TRAPPC13: variants seen among roughly 807,000 people sequenced by gnomAD.
TRAPPC13 encodes trafficking protein particle complex subunit 13.
A neutral mutation model predicts 54.0 loss-of-function variants in TRAPPC13; 39 were observed. The ratio of observed to expected loss-of-function variants is 0.72; its 90% CI spans 0.56 to 0.94. The LOEUF (loss-of-function observed/expected upper bound fraction) is 0.94, where lower values mean the gene tolerates loss of function less well. Among genes scored for constraint, TRAPPC13 ranks in the 40% least tolerant of loss-of-function variants. TRAPPC13 has a pLI of 0.00. For synonymous variants in TRAPPC13, 148 were observed against 167.7 expected (o/e 0.88, Z 0.91); for missense variants, 386 against 488.1 (o/e 0.79, Z 1.97).
intron 1 of TRAPPC13, among the ~76,000 whole-genome samples, chr5:65,632,539 C>G (rs467573): frequency 0.6 from 90,526 of 151,902 alleles, 27,343 homozygotes; most frequent in South Asian, 0.64. Context: ...AATTATTTTT[C>G]AACAGAGTGA....
At chr5:65,637,354 G>A (rs1755785937) in intron 3 of TRAPPC13, among the ~76,000 whole-genome samples, 1 of 152,104 alleles carries the variant, frequency 6.6e-6, no homozygotes, top group South Asian at 2.1e-4. Context: ...AAAACCTGAT[G>A]GGCACAGTGG....
At chr5:65,645,532 C>T (rs940026562) in intron 4 of TRAPPC13, among the ~76,000 whole-genome samples, 2 of 152,196 alleles carry the variant, frequency 1.3e-5, no homozygotes, top group African/African-American at 2.4e-5. Flanking sequence ...TAGCAGGGCG[C>T]GGTGGCTAAC....
chr5:65,652,430 A>G, intron 6 of TRAPPC13, 71 bp from the exon 7 acceptor site: 1 of 1,124,422 alleles, frequency 8.9e-7, no homozygotes, highest in South Asian at 1.3e-5. Flanking sequence ...AACTTACACT[A>G]TTTGATTTAA....
intron 9 of TRAPPC13, among the ~76,000 whole-genome samples, chr5:65,660,332 C>A (rs1281291787): frequency 6.6e-6 from 1 of 151,364 alleles, no homozygotes; most frequent in Non-Finnish European, 1.5e-5. Flanking sequence ...TTATAAAGAA[C>A]CTCCTTGAAC....
intron 7 of TRAPPC13, 190 bp downstream of exon 7, chr5:65,652,735 G>T: frequency 1.6e-6 from 1 of 639,110 alleles, no homozygotes; most frequent in East Asian, 2.9e-5. Flanking sequence ...CAGCTTACAT[G>T]GAATCAATGT....
At chr5:65,627,757 T>G (rs1449596723) in intron 1 of TRAPPC13, among the ~76,000 whole-genome samples, 1 of 152,204 alleles carries the variant, frequency 6.6e-6, no homozygotes, top group Non-Finnish European at 1.5e-5. Context: ...GCATCATTAG[T>G]TCTTGAAAGT....
chr5:65,645,265 G>A (rs1246744616), intron 4 of TRAPPC13, among the ~76,000 whole-genome samples: 2 of 150,552 alleles, frequency 1.3e-5, no homozygotes, highest in Non-Finnish European at 3.0e-5. Context: ...CCTTGGGAAA[G>A]TTGTTACTTT....
At chr5:65,638,059 G>T (rs1755821990) in intron 4 of TRAPPC13, among the ~76,000 whole-genome samples, 1 of 146,834 alleles carries the variant, frequency 6.8e-6, no homozygotes, top group Non-Finnish European at 1.5e-5. Context: ...GGAGGTGAAG[G>T]TTGCAGTGAG....
At chr5:65,656,542 G>C (rs1427438612) in intron 8 of TRAPPC13, among the ~76,000 whole-genome samples, 2 of 151,898 alleles carry the variant, frequency 1.3e-5, no homozygotes, top group South Asian at 2.1e-4. Flanking sequence ...TTTTATTTTA[G>C]ATAATAGTAC....
At chr5:65,652,020 C>T (rs759805122) in intron 6 of TRAPPC13, among the ~76,000 whole-genome samples, 6 of 151,806 alleles carry the variant, frequency 4.0e-5, no homozygotes, top group South Asian at 2.1e-4. Flanking sequence ...CCCGCCACCA[C>T]GCCCAGTTAA....
chr5:65,654,337 GCTTC>G (rs1179519675), intron 7 of TRAPPC13, among the ~76,000 whole-genome samples: 1 of 151,916 alleles, frequency 6.6e-6, no homozygotes, highest in African/African-American at 2.4e-5. Flanking sequence ...AATTTTGTTT[GCTTC>G]CTTTGTCAGT....
At chr5:65,628,863 G>A (rs1363507630) in intron 1 of TRAPPC13, among the ~76,000 whole-genome samples, 6 of 149,158 alleles carry the variant, frequency 4.0e-5, no homozygotes, top group Non-Finnish European at 7.4e-5. Context: ...TTGCTCTATC[G>A]CCCAGGCTGA....
rs566639621 is a variant in TRAPPC13, at chr5:65,637,537, A to G, written c.216-159A>G. Among the ~76,000 whole-genome samples the G allele has an allele frequency of 4.9e-4, 74 of 151,742 alleles. No individual in the cohort carries two copies. In the South Asian group the frequency reaches 0.015, roughly 30 times the overall value. On this transcript the variant is annotated intron_variant, in intron 3 of 12. Coordinates refer to ENST00000399438, the MANE Select transcript of TRAPPC13 (RefSeq NM_024941.4). ...TCTCAGCTACTCGGGAGGCTGAGGC[A>G]GGAGAATGGGGTGAACATGGGAGGC...
At position 65,648,376 on chromosome 5, in the gene TRAPPC13, C is replaced by T. The variant is rs7718602; in HGVS notation, c.428+1194C>T. Among the ~76,000 whole-genome samples, 68 of 137,192 alleles carry T rather than the reference C, an allele frequency of 5.0e-4. 1 individual carries two copies. Among genetic ancestry groups the T allele is most frequent in the Admixed American group, 3.5e-3 (47 of 13,564 alleles). The allele number at this position is 137,192 out of a possible 152,430, so 90.0% of individuals were successfully genotyped here. On this transcript the variant is annotated intron_variant, in intron 5 of 12. Transcript: ENST00000399438. ...CCATTTATCATTTTAAAAAATGTTT[C>T]GTATTTACTTATTGAGTGCCTGTCC...
chr5:65,628,361 G>A (rs1237194253), intron 1 of TRAPPC13, among the ~76,000 whole-genome samples: 4 of 152,106 alleles, frequency 2.6e-5, no homozygotes, highest in Admixed American at 6.6e-5. Flanking sequence ...AACCATATTA[G>A]CAAAGTTAAA....
At position 65,652,557 on chromosome 5, in the gene TRAPPC13, G is replaced by A. The variant is rs1756505529; in HGVS notation, c.546+12G>A. The A allele has an allele frequency of 6.3e-7, 1 of 1,587,576 alleles. No homozygotes were observed. On this transcript the variant is annotated intron_variant, in intron 7 of 12. Coordinates refer to ENST00000399438, the MANE Select transcript of TRAPPC13 (RefSeq NM_024941.4). ...TTTACAATGCAGAGGTAAGTGTTGAGTGTTTAATGGGATTTCATATTAAAC... is the reference window on the plus strand; with the variant it reads ...TTTACAATGCAGAGGTAAGTGTTGAATGTTTAATGGGATTTCATATTAAAC...
Position 65,642,060 on chromosome 5 carries a change from C to T in TRAPPC13, c.300+4280C>T, listed in dbSNP as rs575235766. 4.6e-5 allele frequency among the ~76,000 whole-genome samples: 7 copies of T among 152,104 alleles called. No homozygotes were observed. In the East Asian group the frequency reaches 5.8e-4, roughly 13 times the overall value. On this transcript the variant is annotated intron_variant, in intron 4 of 12. Transcript: ENST00000399438. ...TCTGTTGGCCGGGTGCAGTGGCTCA[C>T]GCCTGTAATCCCAGCACTTTGGGAG...
chr5:65,651,071 T>C (rs896284023), intron 6 of TRAPPC13, among the ~76,000 whole-genome samples, 189 bp downstream of exon 6: 10 of 152,196 alleles, frequency 6.6e-5, no homozygotes, highest in African/African-American at 2.2e-4. Context: ...AGAAGAATTA[T>C]CATTGCCAAC....
Position 65,664,496 on chromosome 5 carries a change from C to A in TRAPPC13, c.1147-8C>A. The A allele has an allele frequency of 6.2e-7, 1 of 1,605,400 alleles. No individual in the cohort carries two copies. The highest frequency in any genetic ancestry group is 1.3e-5 in the African/African-American group (1 of 74,504). On this transcript the variant is annotated splice_region_variant and splice_polypyrimidine_tract_variant and intron_variant, in intron 12 of 12. Coordinates refer to ENST00000399438, the MANE Select transcript of TRAPPC13 (RefSeq NM_024941.4). ...AAAACTTAGACTCATCTCTCTCTCT[C>A]TCAATAGAGCATCTCTGGCTTAAGA...
Sources: gnomAD v4.1 joint callset for allele counts (sites outside exome capture counted in the v4.1 genomes callset) on GRCh38, gnomAD v4.1.1 for gene constraint, MANE v1.5 for transcripts, NCBI Gene and HGNC (gene_info 2026-07-23, HGNC 2026-07-21) for gene names.